NXNL1: variants seen among roughly 807,000 people sequenced by gnomAD.
NXNL1 encodes the protein nucleoredoxin-like protein 1.
Under a neutral mutation model 7.2 loss-of-function variants are expected in NXNL1, and 6 were observed. The observed-to-expected ratio is 0.83, with a 90% CI of 0.46 to 1.64. The LOEUF is 1.64. Ranked by LOEUF, NXNL1 falls within the 40% of genes most tolerant of loss-of-function variation. The probability of loss-of-function intolerance (pLI) is 0.01; values close to 1 mark genes in which losing one functional copy is unlikely to be tolerated. For synonymous variants in NXNL1, 133 were observed against 127.2 expected, an observed-to-expected ratio of 1.05 and a Z score of -0.31; for missense variants, 308 against 285.1, an observed-to-expected ratio of 1.08 and a Z score of -0.58.
rs2074988719 is a variant in NXNL1 at position 17,455,547 on chromosome 19, C to T, written c.*100G>A. 6 of 718,674 alleles carry T rather than the reference C, an allele frequency of 8.3e-6. No homozygotes were observed. Among genetic ancestry groups the T allele is most frequent in the African/African-American group, 1.8e-5 (1 of 56,054 alleles). 44.5% of individuals were successfully genotyped at this position (718,674 alleles called of 1,614,324 possible). ...AACCTCTGGGCTCAAGCGATCCTCC[C>T]GCCTTGGCCTCCCCAAGTGCTGGGA... On this transcript the variant is annotated 3_prime_UTR_variant, in exon 2 of 2. Transcript: ENST00000301944.
rs368607758 is a variant in NXNL1 at position 17,460,626 on chromosome 19, A to G, written c.244T>C (p.Ser82Pro). 313 of 1,611,992 alleles carry G rather than the reference A, an allele frequency of 1.9e-4. No homozygotes were observed. The highest frequency in any genetic ancestry group is 2.6e-4 in the Non-Finnish European group (303 of 1,180,030). The change falls in exon 1 of 2, where the codon TCC becomes CCC. Residue 82 changes from serine (S) to proline (P), a missense_variant. By Grantham distance (74) the Ser-to-Pro change is moderately conservative (BLOSUM62 -1). Coordinates refer to ENST00000301944, the MANE Select transcript of NXNL1 (RefSeq NM_138454.2). ...AACAGGTCCTGCTGCTCCTCCGTGGAGTCCTGGGACACGTACACCAGGGCC... is the reference window on the plus strand; with the variant it reads ...AACAGGTCCTGCTGCTCCTCCGTGGGGTCCTGGGACACGTACACCAGGGCC... ...QLALVYVSQD[S>P]TEEQQDLFLK...
chr19:17,460,777 C>G lies in NXNL1; in HGVS notation c.93G>C (p.Glu31Asp), dbSNP rs76407302. ...DTEAEVSRRL[E>D]NRLVLLFFGA... ...CAAAGAACAGCAGCACCAGCCGGTT[C>G]TCCAGCCTGCGACTGACCTCAGCCT... The change falls in exon 1 of 2, where the codon GAG (glutamate) becomes GAC (aspartate). Residue 31 changes from glutamate (E) to aspartate (D), a missense_variant. Glu to Asp is a conservative substitution (Grantham distance 45). Coordinates refer to ENST00000301944, the MANE Select transcript of NXNL1 (RefSeq NM_138454.2). 1.3e-3 allele frequency: 2,160 copies of G among 1,613,840 alleles called. 21 individuals are homozygous for G. In the African/African-American group the frequency reaches 0.024, roughly 18 times the overall value.
intron 1 of NXNL1, among the ~76,000 whole-genome samples, chr19:17,458,166 T>C (rs2074999608): frequency 6.6e-6 from 1 of 152,092 alleles, no homozygotes; most frequent in Admixed American, 6.6e-5. Context: ...TACACTTCTT[T>C]CAACTTTTTG....
intron 1 of NXNL1, among the ~76,000 whole-genome samples, 181 bp from the exon 2 acceptor site, chr19:17,456,140 C>T (rs1474322891): frequency 6.6e-6 from 1 of 152,060 alleles, no homozygotes; most frequent in East Asian, 1.9e-4. Flanking sequence ...CGCGCTTTGT[C>T]TCCAGCACCC....
chr19:17,455,668 G>GGGGCGC lies in NXNL1; in HGVS notation c.617_618insGCGCCC (p.Gly206_Gly207insArgPro). ...CGGGTCAGAACAGCCCCCCGGCCCCGCCCTCCTCCCCACCCCCTCCCCCGG... is the reference window on the plus strand; with the variant it reads ...CGGGTCAGAACAGCCCCCCGGCCCCGGGGCGCCCCTCCTCCCCACCCCCTCCCCCGG... On this transcript the variant is annotated inframe_insertion, in exon 2 of 2. Transcript: ENST00000301944. 6.1e-6 allele frequency: 2 copies of GGGGCGC among 330,288 alleles called. No homozygotes were observed. The highest frequency in any genetic ancestry group is 9.3e-6 in the Non-Finnish European group (2 of 214,744). The allele number at this position is 330,288 out of a possible 1,614,324, so 20.5% of individuals were successfully genotyped here.
intron 1 of NXNL1, among the ~76,000 whole-genome samples, chr19:17,456,545 C>T (rs1333875176): frequency 6.6e-6 from 1 of 151,932 alleles, no homozygotes; most frequent in Admixed American, 6.6e-5. Flanking sequence ...GTGTTTTTCT[C>T]CAAAGTGCCT....
intron 1 of NXNL1, among the ~76,000 whole-genome samples, chr19:17,460,024 T>A (rs1000323488): frequency 2.0e-5 from 3 of 152,064 alleles, no homozygotes; most frequent in Admixed American, 6.6e-5. Context: ...TGTTTTTTGA[T>A]TTTTTAGACA....
At position 17,455,790 on chromosome 19, in the gene NXNL1, G is replaced by C. The variant is rs771655342; in HGVS notation, c.496C>G (p.Pro166Ala). 1 of 1,559,412 alleles carries C rather than the reference G, an allele frequency of 6.4e-7. No homozygotes were observed. The highest frequency in any genetic ancestry group is 8.6e-7 in the Non-Finnish European group (1 of 1,157,264). ...GGCTCCTGGTCCTCCAGGTCCTCTG[G>C]CAGCTGGAAGTTGCGGTCCAGCACC... ...AEVLDRNFQL[P>A]EDLEDQEPRS... Residue 166 changes from proline to alanine, a missense_variant, in exon 2 of 2, where the codon CCA becomes GCA. Pro to Ala is a conservative substitution (Grantham distance 27, BLOSUM62 -1). Transcript: ENST00000301944.
intron 1 of NXNL1, 60 bp from the exon 2 acceptor site, chr19:17,456,019 C>G: frequency 6.3e-7 from 1 of 1,590,722 alleles, no homozygotes; most frequent in Non-Finnish European, 8.5e-7. Context: ...ACCAGAGAGC[C>G]CCACATCCCT....
chr19:17,457,351 A>G (rs553120022), intron 1 of NXNL1, among the ~76,000 whole-genome samples: 1 of 152,234 alleles, frequency 6.6e-6, no homozygotes, highest in Admixed American at 6.5e-5. Flanking sequence ...AAGATTATTC[A>G]TTGTTTATCT....
At position 17,455,671 on chromosome 19, in the gene NXNL1, C is replaced by CCACA; in HGVS notation, c.614_615insTGTG (p.Glu205AspfsTer13). ...GTCAGAACAGCCCCCCGGCCCCGCC[C>CCACA]TCCTCCCCACCCCCTCCCCCGGGGT... is the stretch of plus-strand genomic sequence containing the variant. On this transcript the variant is annotated frameshift_variant, in exon 2 of 2. Transcript: ENST00000301944. LOFTEE classifies it high-confidence loss of function. 9.3e-7 allele frequency: 1 copy of CCACA among 1,079,738 alleles called. No homozygotes were observed. Among genetic ancestry groups the CCACA allele is most frequent in the Non-Finnish European group, 1.3e-6 (1 of 744,336 alleles). The allele number at this position is 1,079,738 out of a possible 1,614,324, so 66.9% of individuals were successfully genotyped here.
rs2075009339 is a variant in NXNL1 at position 17,460,668 on chromosome 19, G to T, written c.202C>A (p.Leu68Met). Residue 68 changes from leucine (L) to methionine (M), a missense_variant, in exon 1 of 2, where the codon CTG (leucine) becomes ATG (methionine). Coordinates refer to ENST00000301944, the MANE Select transcript of NXNL1 (RefSeq NM_138454.2). ...ACCAGGGCCAGCTGAGCCGCCCGCA[G>T]TACATAGAACTCATCTGTGAGCCGC... is the stretch of plus-strand genomic sequence containing the variant. ...FVRLTDEFYV[L>M]RAAQLALVYV... 1 of 1,613,678 alleles carries T rather than the reference G, an allele frequency of 6.2e-7. No homozygotes were observed. Among genetic ancestry groups the T allele is most frequent in the Non-Finnish European group, 8.5e-7 (1 of 1,180,044 alleles).
At chr19:17,459,341 C>T (rs2075004630) in intron 1 of NXNL1, among the ~76,000 whole-genome samples, 1 of 152,200 alleles carries the variant, frequency 6.6e-6, no homozygotes, top group African/African-American at 2.4e-5. Context: ...AACCCCTTCC[C>T]TTTCCTCATT....
In NXNL1 at chr19:17,460,893, G is replaced by T; in HGVS notation, c.-24C>A. 1.2e-6 allele frequency: 2 copies of T among 1,609,144 alleles called. No individual in the cohort carries two copies. The highest frequency in any genetic ancestry group is 1.7e-6 in the Non-Finnish European group (2 of 1,179,072). The stretch of plus-strand genomic sequence containing the variant: ...ATGGTAACCTGGGTTGGGTGCTGGG[G>T]ACAGCGCGGCGTGTGGTCCCCGGTC... On this transcript the variant is annotated 5_prime_UTR_variant, in exon 1 of 2. Transcript: ENST00000301944.
intron 1 of NXNL1, among the ~76,000 whole-genome samples, chr19:17,457,641 G>C (rs1441121946): frequency 6.6e-6 from 1 of 152,090 alleles, no homozygotes; most frequent in Non-Finnish European, 1.5e-5. Context: ...CCAAAGCACT[G>C]GGATTACAGG....
At position 17,460,779 on chromosome 19, in the gene NXNL1, C is replaced by T. The variant is rs1180667145; in HGVS notation, c.91G>A (p.Glu31Lys). 1 of 1,613,740 alleles carries T rather than the reference C, an allele frequency of 6.2e-7. No homozygotes were observed. The highest frequency in any genetic ancestry group is 1.3e-5 in the African/African-American group (1 of 74,930). The part of the protein sequence containing the change: ...DTEAEVSRRL[E>K]NRLVLLFFGA... ...AAGAACAGCAGCACCAGCCGGTTCTCCAGCCTGCGACTGACCTCAGCCTCC... is the reference window on the plus strand; with the variant it reads ...AAGAACAGCAGCACCAGCCGGTTCTTCAGCCTGCGACTGACCTCAGCCTCC... Residue 31 changes from glutamate (E) to lysine (K), a missense_variant, in exon 1 of 2, where the codon GAG (glutamate) becomes AAG (lysine). Transcript: ENST00000301944.
At chr19:17,458,210 T>C (rs2074999815) in intron 1 of NXNL1, among the ~76,000 whole-genome samples, 1 of 132,998 alleles carries the variant, frequency 7.5e-6, no homozygotes, top group Admixed American at 7.8e-5. Context: ...TTCTTTCTTT[T>C]TCTTTCTTTC....
intron 1 of NXNL1, among the ~76,000 whole-genome samples, chr19:17,459,066 TCTC>T (rs1198812099): frequency 6.6e-6 from 1 of 152,014 alleles, no homozygotes; most frequent in Non-Finnish European, 1.5e-5. Flanking sequence ...TGGCTGGACA[TCTC>T]CTTATAAAGC....
intron 1 of NXNL1, among the ~76,000 whole-genome samples, chr19:17,457,069 C>CAT (rs36169634): frequency 0.32 from 46,882 of 144,738 alleles, 7,632 homozygotes; most frequent in Non-Finnish European, 0.34. Context: ...CAACAAACAA[C>CAT]ATATATATAT....
Sources: gnomAD v4.1 joint callset for allele counts (sites outside exome capture counted in the v4.1 genomes callset) on GRCh38, gnomAD v4.1.1 for gene constraint, MANE v1.5 for transcripts, NCBI Gene and HGNC (gene_info 2026-07-23, HGNC 2026-07-21) for gene names.